Variants in NDE1 observed in about 807,000 individuals in gnomAD.
NDE1 encodes nuclear distribution protein nudE homolog 1.
A neutral mutation model predicts 43.4 loss-of-function variants in NDE1; 28 were observed. The observed-to-expected ratio is 0.65, with a 90% CI of 0.48 to 0.89. The LOEUF (loss-of-function observed/expected upper bound fraction) is 0.89. NDE1 is among the 40% of genes least tolerant of loss of function. The pLI is 0.00. For missense variants in NDE1, 441 were observed against 434.1 expected, an observed-to-expected ratio of 1.02 and a Z score of -0.14; for synonymous variants, 184 against 172.0, an observed-to-expected ratio of 1.07 and a Z score of -0.55.
At chr16:15,691,847 T>A (rs753632645) in intron 6 of NDE1, among the ~76,000 whole-genome samples, 1 of 151,844 alleles carries the variant, frequency 6.6e-6, no homozygotes, top group Non-Finnish European at 1.5e-5. Flanking sequence ...CAGGCTGGTA[T>A]CAAATTCCTG....
chr16:15,688,063 C>G (rs371332487), intron 5 of NDE1, among the ~76,000 whole-genome samples: 2 of 152,134 alleles, frequency 1.3e-5, no homozygotes, highest in East Asian at 3.9e-4. Context: ...GTAGTCCCAG[C>G]TACTCAGGAA....
At chr16:15,685,549 C>T (rs1363588641) in intron 4 of NDE1, among the ~76,000 whole-genome samples, 1 of 152,026 alleles carries the variant, frequency 6.6e-6, no homozygotes, top group Non-Finnish European at 1.5e-5. Flanking sequence ...CTGTGCTTGT[C>T]CCTTTGTTGT....
intron 3 of NDE1, 119 bp downstream of exon 3, chr16:15,667,558 T>C (rs2037369383): frequency 8.0e-7 from 1 of 1,255,518 alleles, no homozygotes; most frequent in Non-Finnish European, 1.1e-6. Flanking sequence ...CCCATGCTCA[T>C]CTCTGGAAGG....
intron 8 of NDE1, among the ~76,000 whole-genome samples, chr16:15,711,840 G>A (rs767748812): frequency 5.3e-5 from 8 of 152,012 alleles, no homozygotes; most frequent in Non-Finnish European, 7.4e-5. Context: ...TTACAGGCAC[G>A]CCCCACCATA....
rs750462953 is a variant in NDE1 at position 15,696,828 on chromosome 16, A to C, written c.915A>C (p.Pro305=). The C allele has an allele frequency of 6.2e-7, 1 of 1,614,156 alleles. No homozygotes were observed. Among genetic ancestry groups the C allele is most frequent in the South Asian group, 1.1e-5 (1 of 91,080 alleles). ...SKNRDGGERR[P]SSTSVPLGDK... is the part of the protein sequence containing the mutation. ...ACAGAGATGGCGGGGAGAGACGGCC[A>C]AGCAGCACCAGCGTGCCTTTGGGTG... Residue 305 remains proline, a synonymous_variant, in exon 8 of 9, where the codon CCA becomes CCC. Transcript: ENST00000396354.
intron 8 of NDE1, chr16:15,718,469 C>T (rs1199324252): frequency 5.2e-6 from 8 of 1,540,422 alleles, no homozygotes; most frequent in Non-Finnish European, 7.0e-6. Context: ...GTGGGGGCCT[C>T]TACCCTCCCC....
chr16:15,674,274 T>A (rs1371499451), intron 3 of NDE1, among the ~76,000 whole-genome samples: 1 of 152,154 alleles, frequency 6.6e-6, no homozygotes, highest in East Asian at 1.9e-4. Flanking sequence ...AGATGGAGTC[T>A]TGTTCGTCGC....
At chr16:15,699,524 CTG>C in intron 8 of NDE1, 1 of 1,182,152 alleles carries the variant, frequency 8.5e-7, no homozygotes, top group Non-Finnish European at 1.1e-6. Context: ...TCTAGTGGGT[CTG>C]AGACTGGGCG....
chr16:15,681,114 A>C (rs1168837748), intron 4 of NDE1, among the ~76,000 whole-genome samples: 1 of 142,880 alleles, frequency 7.0e-6, no homozygotes, highest in East Asian at 2.1e-4. Context: ...AATATTTTTT[A>C]ATTGTTTAAT....
Position 15,656,285 on chromosome 16 carries a change from G to C in NDE1, c.-44+5991G>C, listed in dbSNP as rs528181229. Among the ~76,000 whole-genome samples the C allele has an allele frequency of 1.1e-4, 17 of 152,126 alleles. No homozygotes were observed. In the South Asian group the frequency reaches 1.2e-3, roughly 11 times the overall value. On this transcript the variant is annotated intron_variant, in intron 1 of 8. Transcript: ENST00000396354. Reference sequence around the variant, plus strand: ...TTGAAATGCTGTTCCTGTGGTTTTTGTCTCTTGGTTGGAGTGAAAGATTTT... The same window carrying C: ...TTGAAATGCTGTTCCTGTGGTTTTTCTCTCTTGGTTGGAGTGAAAGATTTT...
chr16:15,653,283 T>TG (rs1247292328), intron 1 of NDE1, among the ~76,000 whole-genome samples: 1 of 152,188 alleles, frequency 6.6e-6, no homozygotes, highest in Non-Finnish European at 1.5e-5. Flanking sequence ...TCTTTGAACA[T>TG]GGGTCCTTGC....
At chr16:15,703,310 A>G (rs1446568416) in intron 8 of NDE1, 2 of 228,872 alleles carry the variant, frequency 8.7e-6, no homozygotes, top group Non-Finnish European at 1.7e-5. Flanking sequence ...AGAGGGGGAA[A>G]GAATTCTCAA....
intron 2 of NDE1, among the ~76,000 whole-genome samples, chr16:15,665,634 G>T (rs537269417): frequency 6.6e-6 from 1 of 151,626 alleles, no homozygotes. Context: ...TAGCAGAGAC[G>T]GGGTTTTGCC....
chr16:15,677,661 G>A (rs894559359), intron 3 of NDE1, 140 bp from the exon 4 acceptor site: 6 of 818,464 alleles, frequency 7.3e-6, no homozygotes, highest in African/African-American at 6.7e-5. Flanking sequence ...ATAGCTCACT[G>A]CAGCCTCTAA....
At chr16:15,681,792 A>G (rs2038196401) in intron 4 of NDE1, among the ~76,000 whole-genome samples, 2 of 151,976 alleles carry the variant, frequency 1.3e-5, no homozygotes, top group African/African-American at 4.8e-5. Context: ...GGCTAACTGC[A>G]ACCTCCACCC....
chr16:15,719,441 TAGA>T, intron 8 of NDE1: 1 of 1,475,960 alleles, frequency 6.8e-7, no homozygotes, highest in Non-Finnish European at 9.4e-7. Flanking sequence ...CGTGAATACA[TAGA>T]GGAGGGAAGC....
chr16:15,664,126 C>G (rs532073663), intron 1 of NDE1, among the ~76,000 whole-genome samples: 2 of 151,966 alleles, frequency 1.3e-5, no homozygotes, highest in Non-Finnish European at 2.9e-5. Context: ...CCCACTCCCC[C>G]ACTCCCTCCA....
At chr16:15,717,440 G>T in intron 8 of NDE1, 1 of 1,351,378 alleles carries the variant, frequency 7.4e-7, no homozygotes, top group Non-Finnish European at 1.0e-6. Context: ...TTTGGCCTCT[G>T]CACGAGTCCC....
At chr16:15,689,042 A>C (rs1388747872) in intron 5 of NDE1, among the ~76,000 whole-genome samples, 1 of 152,096 alleles carries the variant, frequency 6.6e-6, no homozygotes. Context: ...ATGTGTAACC[A>C]GTAGGTGGGG....
Sources: gnomAD v4.1 joint callset for allele counts (sites outside exome capture counted in the v4.1 genomes callset) on GRCh38, gnomAD v4.1.1 for gene constraint, MANE v1.5 for transcripts, NCBI Gene and HGNC (gene_info 2026-07-23, HGNC 2026-07-21) for gene names.